Variants in ABCC4 observed in about 807,000 individuals in gnomAD.
ABCC4 encodes ATP-binding cassette sub-family C member 4.
Under a neutral mutation model 168.5 loss-of-function variants are expected in ABCC4, and 102 were observed. The ratio of observed to expected loss-of-function variants is 0.61; its 90% confidence interval spans 0.52 to 0.71. The LOEUF (loss-of-function observed/expected upper bound fraction) is 0.71. Among genes scored for constraint, ABCC4 ranks in the 30% least tolerant of loss-of-function variants. The pLI is 0.00. For synonymous variants in ABCC4, 617 were observed against 590.7 expected (o/e 1.04, Z -0.65); for missense variants, 1,402 against 1,605.8 (o/e 0.87, Z 2.17).
chr13:95,133,511 A>G (rs999105857), intron 19 of ABCC4, among the ~76,000 whole-genome samples: 4 of 152,152 alleles, frequency 2.6e-5, no homozygotes, highest in Non-Finnish European at 5.9e-5. Context: ...CCATCAGAGC[A>G]TTCAGCTCGA....
chr13:95,083,128 T>A lies in ABCC4; in HGVS notation c.2686+12A>T. 1 of 1,613,060 alleles carries A rather than the reference T, an allele frequency of 6.2e-7. No homozygotes were observed. On this transcript the variant is annotated intron_variant, in intron 21 of 30. Coordinates refer to ENST00000645237, the MANE Select transcript of ABCC4 (RefSeq NM_005845.5). The stretch of plus-strand genomic sequence containing the variant: ...CTAGCATGTCTATACCAACCCGAGT[T>A]TCCATACTCACTTGTAGATTCCAGG...
chr13:95,147,630 A>G (rs2036543465), intron 19 of ABCC4, among the ~76,000 whole-genome samples: 1 of 152,218 alleles, frequency 6.6e-6, no homozygotes, highest in Admixed American at 6.5e-5. Context: ...GAAAAAGGTG[A>G]ATACATAGAA....
At position 95,073,310 on chromosome 13, in the gene ABCC4, T is replaced by G. The variant is rs764107411; in HGVS notation, c.2918-6A>C. 2 of 1,610,628 alleles carry G rather than the reference T, an allele frequency of 1.2e-6. No homozygotes were observed. Among genetic ancestry groups the G allele is most frequent in the Non-Finnish European group, 1.7e-6 (2 of 1,177,680 alleles). On this transcript the variant is annotated splice_region_variant and splice_polypyrimidine_tract_variant and intron_variant, in intron 23 of 30. Transcript: ENST00000645237. The stretch of plus-strand genomic sequence containing the variant: ...AACCTGCCCGGCATCCAGAGCTACG[T>G]AAGGAGGAAGAAGGGAATAAAGTCA...
intron 20 of ABCC4, among the ~76,000 whole-genome samples, chr13:95,111,880 C>G (rs2035216161): frequency 6.6e-6 from 1 of 152,160 alleles, no homozygotes. Context: ...ATTCTAGACA[C>G]CAAGCCACAA....
At chr13:95,056,745 A>G (rs2033073745) in intron 26 of ABCC4, among the ~76,000 whole-genome samples, 1 of 152,212 alleles carries the variant, frequency 6.6e-6, no homozygotes, top group Non-Finnish European at 1.5e-5. Context: ...AAGAAAATTC[A>G]GGGAGTAGAA....
chr13:95,159,099 AT>A (rs2057956567), intron 19 of ABCC4, among the ~76,000 whole-genome samples: 1 of 63,998 alleles, frequency 1.6e-5, no homozygotes, highest in East Asian at 4.8e-4. Context: ...AATTTTATAT[AT>A]ATATATATAT....
intron 9 of ABCC4, among the ~76,000 whole-genome samples, chr13:95,189,793 T>C (rs1305260479): frequency 1.3e-5 from 2 of 152,202 alleles, no homozygotes; most frequent in East Asian, 3.9e-4. Context: ...GTCTCAGTGT[T>C]ACACCTGCAG....
chr13:95,175,329 T>A (rs1353572000), intron 13 of ABCC4, among the ~76,000 whole-genome samples: 1 of 152,118 alleles, frequency 6.6e-6, no homozygotes, highest in African/African-American at 2.4e-5. Context: ...TATTATTATT[T>A]TTGAGACAGA....
At chr13:95,243,801 C>G (rs1341056324) in intron 3 of ABCC4, among the ~76,000 whole-genome samples, 1 of 151,718 alleles carries the variant, frequency 6.6e-6, no homozygotes, top group African/African-American at 2.4e-5. Flanking sequence ...GGGAGGATTG[C>G]TTGAGCCCAG....
At chr13:95,192,771 T>C (rs992916051) in intron 9 of ABCC4, among the ~76,000 whole-genome samples, 21 of 152,144 alleles carry the variant, frequency 1.4e-4, no homozygotes, top group African/African-American at 4.8e-4. Context: ...ATACAAAAAT[T>C]AGCCAGGCAT....
chr13:95,290,633 A>G (rs1282773507), intron 1 of ABCC4, among the ~76,000 whole-genome samples: 1 of 138,926 alleles, frequency 7.2e-6, no homozygotes, highest in Admixed American at 7.9e-5. Context: ...TGAACCTGGG[A>G]GGCAGAGGTT....
At chr13:95,087,825 T>C (rs927976583) in intron 20 of ABCC4, among the ~76,000 whole-genome samples, 4 of 152,182 alleles carry the variant, frequency 2.6e-5, no homozygotes, top group African/African-American at 7.2e-5. Context: ...GGTTCCCAGG[T>C]CCCACCTGGG....
chr13:95,095,287 T>TATCC (rs201969882), intron 20 of ABCC4, among the ~76,000 whole-genome samples: 7 of 35,582 alleles, frequency 2.0e-4, no homozygotes, highest in African/African-American at 8.6e-4. Context: ...ACTGTGAGAT[T>TATCC]ATCTATCTAT....
chr13:95,088,273 C>T (rs1229079028), intron 20 of ABCC4, among the ~76,000 whole-genome samples: 1 of 152,132 alleles, frequency 6.6e-6, no homozygotes, highest in Non-Finnish European at 1.5e-5. Context: ...TAAAAATACA[C>T]ATCTTAGAAA....
rs149456431 is a variant in ABCC4 at position 95,191,100 on chromosome 13, C to T, written c.1264-2558G>A. Among the ~76,000 whole-genome samples the T allele has an allele frequency of 4.0e-3, 609 of 152,276 alleles. 3 individuals are homozygous for T. The highest frequency in any genetic ancestry group is 6.9e-3 in the Non-Finnish European group (471 of 68,016). The stretch of plus-strand genomic sequence containing the variant: ...ACCTAAAGACACTGAGCTGGCGCAG[C>T]CCACAGTTACTCATCAACCCCTCTC... On this transcript the variant is annotated intron_variant, in intron 9 of 30. Coordinates refer to ENST00000645237, the MANE Select transcript of ABCC4 (RefSeq NM_005845.5).
chr13:95,140,018 T>C (rs1054095760), intron 19 of ABCC4, among the ~76,000 whole-genome samples: 1 of 152,228 alleles, frequency 6.6e-6, no homozygotes, highest in Non-Finnish European at 1.5e-5. Context: ...TCAGATTCTG[T>C]GTGTTGCCTT....
intron 19 of ABCC4, among the ~76,000 whole-genome samples, chr13:95,159,054 G>A (rs1421936201): frequency 1.4e-5 from 2 of 140,442 alleles, no homozygotes; most frequent in African/African-American, 5.1e-5. Context: ...CTGCACTCCA[G>A]TCTAGTCAAC....
chr13:95,082,357 GGAATA>G (rs751640567), intron 21 of ABCC4, among the ~76,000 whole-genome samples: 62 of 152,098 alleles, frequency 4.1e-4, no homozygotes, highest in Non-Finnish European at 5.9e-4. Flanking sequence ...GATTACATGT[GGAATA>G]GAGTGATTAA....
intron 30 of ABCC4, among the ~76,000 whole-genome samples, chr13:95,034,392 C>T (rs2032028388): frequency 6.6e-6 from 1 of 152,338 alleles, no homozygotes; most frequent in South Asian, 2.1e-4. Flanking sequence ...TGTGCACACA[C>T]TCGACCCCCC....
Sources: gnomAD v4.1 joint callset for allele counts (sites outside exome capture counted in the v4.1 genomes callset) on GRCh38, gnomAD v4.1.1 for gene constraint, MANE v1.5 for transcripts, NCBI Gene and HGNC (gene_info 2026-07-23, HGNC 2026-07-21) for gene names.